The following SYNPR variants were observed in gnomAD, a reference collection of about 807,000 sequenced individuals.
SYNPR encodes the protein synaptoporin.
A neutral mutation model predicts 32.9 loss-of-function variants in SYNPR; 23 were observed. The ratio of observed to expected loss-of-function variants is 0.70; its 90% CI spans 0.50 to 0.99. The LOEUF (loss-of-function observed/expected upper bound fraction) is 0.99. SYNPR is among the 50% of genes least tolerant of loss of function. The pLI, the probability that SYNPR is intolerant of heterozygous loss-of-function variation, is 0.00. For synonymous variants in SYNPR, 146 were observed against 135.9 expected (o/e 1.07, Z -0.52); for missense variants, 318 against 349.3 (o/e 0.91, Z 0.71).
At chr3:63,274,502 C>T (rs983542292), upstream of SYNPR, among the ~76,000 whole-genome samples, 1 of 152,110 alleles carries the variant, frequency 6.6e-6, no homozygotes, top group Non-Finnish European at 1.5e-5. Context: ...CAAGATTAAC[C>T]CTCTTTGAGA....
At chr3:63,286,806 T>A (rs139973580) in intron 2 of SYNPR, among the ~76,000 whole-genome samples, 2 of 152,320 alleles carry the variant, frequency 1.3e-5, no homozygotes, top group African/African-American at 4.8e-5. Flanking sequence ...CTCCTGCCTA[T>A]AGTGTTGAAA....
chr3:63,607,649 T>C (rs1700143048), intron 4 of SYNPR, among the ~76,000 whole-genome samples: 1 of 152,224 alleles, frequency 6.6e-6, no homozygotes, highest in Admixed American at 6.5e-5. Context: ...CATTGGCCCT[T>C]AGTTTTCTAG....
chr3:63,251,110 C>T (rs1474315712), intron 1 of SYNPR, among the ~76,000 whole-genome samples: 1 of 151,782 alleles, frequency 6.6e-6, no homozygotes, highest in Non-Finnish European at 1.5e-5. Context: ...CTACTGGGTA[C>T]ATTTTCTGCA....
At chr3:63,329,043 G>A (rs527354856) in intron 2 of SYNPR, among the ~76,000 whole-genome samples, 1 of 152,102 alleles carries the variant, frequency 6.6e-6, no homozygotes, top group African/African-American at 2.4e-5. Flanking sequence ...CAGTCTCCTA[G>A]TTCTTAGGTG....
chr3:63,562,459 G>T (rs1702707124), intron 4 of SYNPR, among the ~76,000 whole-genome samples: 1 of 152,154 alleles, frequency 6.6e-6, no homozygotes. Context: ...AAAAGACAGA[G>T]GCTATGTTAT....
At chr3:63,597,352 T>C (rs1383141591) in intron 4 of SYNPR, among the ~76,000 whole-genome samples, 1 of 152,124 alleles carries the variant, frequency 6.6e-6, no homozygotes, top group Non-Finnish European at 1.5e-5. Flanking sequence ...AATGAATCAA[T>C]AGAAAATAAA....
In SYNPR at chr3:63,615,375, G is replaced by T. The variant is rs111414856; in HGVS notation, c.752G>T (p.Ser251Ile). ...SYNQGGYNQD[S>I]YGSSSGYSQQ... Reference sequence around the variant, plus strand: ...AATCAAGGTGGTTACAACCAAGACAGCTATGGATCAAGCAGTGGGTACAGT... The same window carrying T: ...AATCAAGGTGGTTACAACCAAGACATCTATGGATCAAGCAGTGGGTACAGT... Residue 251 changes from serine to isoleucine, a missense_variant, in exon 6 of 6, where the codon AGC becomes ATC. Physicochemically the swap from Ser to Ile is moderately radical, Grantham distance 142. Transcript: ENST00000478300. 1.9e-6 allele frequency: 3 copies of T among 1,613,930 alleles called. No homozygotes were observed. In the African/African-American group the frequency reaches 4.0e-5, roughly 22 times the overall value.
chr3:63,438,424 C>T (rs12638327), intron 2 of SYNPR, among the ~76,000 whole-genome samples: 12,658 of 152,142 alleles, frequency 0.083, 909 homozygotes, highest in African/African-American at 0.19. Context: ...GAACTCCCGG[C>T]CTTGCCTACC....
intron 2 of SYNPR, among the ~76,000 whole-genome samples, chr3:63,411,182 C>G (rs893850849): frequency 6.6e-6 from 1 of 152,014 alleles, no homozygotes; most frequent in African/African-American, 2.4e-5. Context: ...AAATGACTAA[C>G]TTAATGGTGT....
intron 3 of SYNPR, among the ~76,000 whole-genome samples, chr3:63,481,575 GT>G (rs1313630808): frequency 3.3e-5 from 5 of 151,970 alleles, no homozygotes; most frequent in African/African-American, 9.7e-5. Context: ...ATTCTTAATA[GT>G]TTTTAAGAGT....
At chr3:63,304,341 AGT>A (rs1171535265) in intron 2 of SYNPR, among the ~76,000 whole-genome samples, 3 of 142,362 alleles carry the variant, frequency 2.1e-5, no homozygotes, top group Non-Finnish European at 3.0e-5. Context: ...AGAAAAAGAA[AGT>A]GTGTGTGTGT....
intron 2 of SYNPR, among the ~76,000 whole-genome samples, chr3:63,476,147 AAGGG>A (rs371319706): frequency 0.013 from 255 of 20,314 alleles, 16 homozygotes; most frequent in Middle Eastern, 0.033. Context: ...GGAAGGAAGG[AAGGG>A]AGGGAGGGAG....
At chr3:63,283,128 C>T (rs929110459) in intron 2 of SYNPR, among the ~76,000 whole-genome samples, 5 of 152,254 alleles carry the variant, frequency 3.3e-5, no homozygotes, top group African/African-American at 1.2e-4. Context: ...TGCACACACA[C>T]AAGAAATTCT....
At chr3:63,334,810 T>C (rs2087267255) in intron 2 of SYNPR, among the ~76,000 whole-genome samples, 1 of 146,378 alleles carries the variant, frequency 6.8e-6, no homozygotes, top group Non-Finnish European at 1.5e-5. Context: ...GCAAAGGTAA[T>C]TGCCGTTTTT....
intron 2 of SYNPR, among the ~76,000 whole-genome samples, chr3:63,474,856 C>G (rs1700869923): frequency 6.6e-6 from 1 of 152,106 alleles, no homozygotes; most frequent in Non-Finnish European, 1.5e-5. Context: ...TGGGAGATGT[C>G]CCCTCCCTGA....
intron 2 of SYNPR, among the ~76,000 whole-genome samples, chr3:63,463,470 T>C (rs1018743561): frequency 6.6e-6 from 1 of 152,158 alleles, no homozygotes; most frequent in Admixed American, 6.6e-5. Context: ...CAAAAGTAGC[T>C]GTGAATGAAT....
At chr3:63,596,950 A>G (rs1699970538) in intron 4 of SYNPR, among the ~76,000 whole-genome samples, 1 of 152,222 alleles carries the variant, frequency 6.6e-6, no homozygotes, top group Non-Finnish European at 1.5e-5. Flanking sequence ...CTGTAAGTGT[A>G]AAATACACAT....
chr3:63,308,665 CA>C (rs1044208371), intron 2 of SYNPR, among the ~76,000 whole-genome samples: 10 of 152,024 alleles, frequency 6.6e-5, no homozygotes, highest in Non-Finnish European at 1.3e-4. Context: ...CTACTTCTAA[CA>C]AGAAATTTTC....
In SYNPR at chr3:63,278,809, T is replaced by C. The variant is rs141431723; in HGVS notation, c.84+67T>C. The stretch of plus-strand genomic sequence containing the variant: ...AGCTATCAGGTGAGGAGAGGTCGGA[T>C]GGGGTGCTCCCTGCTCAGTTCTGCT... On this transcript the variant is annotated intron_variant, in intron 2 of 5. Transcript: ENST00000478300. The C allele has an allele frequency of 1.4e-4, 207 of 1,504,948 alleles. No individual in the cohort carries two copies. The East Asian group carries it at 3.0e-3, about 22-fold the overall frequency. 93.2% of individuals were successfully genotyped at this position (1,504,948 alleles called of 1,614,324 possible).
Sources: allele counts gnomAD v4.1 joint callset (sites outside exome capture counted in the v4.1 genomes callset), GRCh38; gene constraint gnomAD v4.1.1; transcripts MANE v1.5; gene names NCBI Gene and HGNC (gene_info 2026-07-23, HGNC 2026-07-21).